FAM156A: variants seen among roughly 807,000 people sequenced by gnomAD.
FAM156A encodes the protein protein FAM156A/FAM156B.
intron 1 of FAM156A, among the ~76,000 whole-genome samples, chrX:52,993,059 T>A (rs1219861966): frequency 9.0e-6 from 1 of 111,420 alleles, no homozygotes; most frequent in Admixed American, 9.5e-5. Flanking sequence ...GTCCTTCATC[T>A]GTGACATGGG....
chrX:52,988,144 G>A (rs1178218282), intron 1 of FAM156A, among the ~76,000 whole-genome samples: 6 of 109,403 alleles, frequency 5.5e-5, no homozygotes, highest in Non-Finnish European at 9.5e-5. Flanking sequence ...AGGAGGCTGA[G>A]GCAGGAGAAT....
chrX:52,980,864 A>G (rs1200150908), intron 1 of FAM156A, among the ~76,000 whole-genome samples: 1 of 101,544 alleles, frequency 9.8e-6, no homozygotes, highest in Non-Finnish European at 2.0e-5. Flanking sequence ...AGGGAGAGAG[A>G]GAGAGAGAGG....
intron 1 of FAM156A, among the ~76,000 whole-genome samples, chrX:52,986,818 T>C: frequency 9.0e-6 from 1 of 111,657 alleles, no homozygotes; most frequent in Non-Finnish European, 1.9e-5. Flanking sequence ...TTCTCACCCC[T>C]GTTATTCAAT....
chrX:52,990,752 C>T (rs782144984), intron 1 of FAM156A, among the ~76,000 whole-genome samples: 2 of 99,776 alleles, frequency 2.0e-5, no homozygotes, highest in South Asian at 9.0e-4. Flanking sequence ...CCACTGCACT[C>T]CAGAGTGGGC....
intron 1 of FAM156A, among the ~76,000 whole-genome samples, chrX:52,980,780 CTCTGTGTGTGTGTGTGTGTGTGTGTG>C (rs1929822991): frequency 3.2e-5 from 2 of 61,833 alleles, no homozygotes; most frequent in Admixed American, 4.3e-4. Flanking sequence ...GTTAGGGTTC[CTCTGTGTGTGTGTGTGTGTGTGTGTG>C]TGTGTGTGTG....
chrX:52,980,851 T>TGTGTGTGTGTGTG (rs1356126923), intron 1 of FAM156A, among the ~76,000 whole-genome samples: 1 of 43,959 alleles, frequency 2.3e-5, no homozygotes. Context: ...TGTGTGTGTG[T>TGTGTGTGTGTGTG]AGAGGGAGAG....
intron 1 of FAM156A, among the ~76,000 whole-genome samples, chrX:52,975,477 A>G (rs1556791934): frequency 3.6e-5 from 4 of 111,902 alleles, no homozygotes; most frequent in Non-Finnish European, 7.5e-5. Context: ...CTTGTGCACT[A>G]GTAATGTAAT....
At chrX:52,984,316 G>A (rs1930113526) in intron 1 of FAM156A, among the ~76,000 whole-genome samples, 1 of 112,177 alleles carries the variant, frequency 8.9e-6, no homozygotes, top group African/African-American at 3.2e-5. Flanking sequence ...GACTTTTACT[G>A]GGGGCTGGTC....
At chrX:52,978,157 A>T (rs1556792713) in intron 1 of FAM156A, among the ~76,000 whole-genome samples, 1 of 111,412 alleles carries the variant, frequency 9.0e-6, no homozygotes, top group African/African-American at 3.3e-5. Context: ...ATACCCTGTA[A>T]GGAAAGCTGA....
At chrX:52,975,656 G>A (rs1411895421) in intron 1 of FAM156A, among the ~76,000 whole-genome samples, 1 of 111,393 alleles carries the variant, frequency 9.0e-6, no homozygotes, top group African/African-American at 3.3e-5. Flanking sequence ...TGTTTTCTCC[G>A]TTTCCCTGAT....
intron 1 of FAM156A, among the ~76,000 whole-genome samples, chrX:52,984,273 A>C (rs992289172): frequency 4.4e-5 from 5 of 112,421 alleles, no homozygotes; most frequent in Non-Finnish European, 9.4e-5. Flanking sequence ...CATATTTTCT[A>C]CCAGAGCAGC....
intron 1 of FAM156A, among the ~76,000 whole-genome samples, chrX:52,973,367 A>G (rs1489953757): frequency 9.0e-6 from 1 of 110,891 alleles, no homozygotes; most frequent in Non-Finnish European, 1.9e-5. Flanking sequence ...TGGCAGAAAA[A>G]GAAAGGAAGA....
At chrX:52,984,465 C>T (rs1930123862) in intron 1 of FAM156A, among the ~76,000 whole-genome samples, 1 of 112,562 alleles carries the variant, frequency 8.9e-6, no homozygotes, top group South Asian at 3.6e-4. Flanking sequence ...AATCCAAGTT[C>T]CCTGATGCCT....
intron 1 of FAM156A, among the ~76,000 whole-genome samples, chrX:52,983,383 CAA>C (rs56161716): frequency 1.9e-5 from 2 of 106,485 alleles, no homozygotes; most frequent in Non-Finnish European, 3.9e-5. Flanking sequence ...AGCCATAAAA[CAA>C]AAAAAAAAGC....
intron 1 of FAM156A, among the ~76,000 whole-genome samples, chrX:52,973,020 T>C (rs1556791204): frequency 1.9e-5 from 1 of 52,219 alleles, no homozygotes; most frequent in Admixed American, 2.3e-4. Flanking sequence ...ATGAGAACAC[T>C]TGGACACAGG....
chrX:52,978,545 C>T (rs1342215668), intron 1 of FAM156A, among the ~76,000 whole-genome samples: 1 of 112,400 alleles, frequency 8.9e-6, no homozygotes, highest in Non-Finnish European at 1.9e-5. Context: ...CCAAGAGCCA[C>T]GGGCATCGCG....
chrX:52,984,920 T>C (rs1445114481), intron 1 of FAM156A, among the ~76,000 whole-genome samples: 1 of 107,479 alleles, frequency 9.3e-6, no homozygotes, highest in Non-Finnish European at 1.9e-5. Flanking sequence ...AAATCACACA[T>C]AGAGGAAAAG....
At chrX:52,988,016 C>T (rs1930417974) in intron 1 of FAM156A, among the ~76,000 whole-genome samples, 2 of 111,395 alleles carry the variant, frequency 1.8e-5, no homozygotes, top group Non-Finnish European at 3.8e-5. Flanking sequence ...TTTGGGAGGC[C>T]GAGGCGGGCG....
intron 1 of FAM156A, among the ~76,000 whole-genome samples, chrX:52,989,151 T>C (rs781889570): frequency 9.0e-6 from 1 of 111,119 alleles, no homozygotes; most frequent in East Asian, 2.8e-4. Context: ...TCGCAGTAAC[T>C]CACAGTGAGC....
Sources: allele counts gnomAD v4.1 joint callset (sites outside exome capture counted in the v4.1 genomes callset), GRCh38; gene constraint gnomAD v4.1.1; transcripts MANE v1.5; gene names NCBI Gene and HGNC (gene_info 2026-07-23, HGNC 2026-07-21).